Variants in PCDHA9 observed in about 807,000 individuals in gnomAD.
The protein encoded by PCDHA9 is protocadherin alpha 9.
A neutral mutation model predicts 62.0 loss-of-function variants in PCDHA9; 62 were observed. The ratio of observed to expected loss-of-function variants is 1.00; its 90% CI spans 0.81 to 1.23. The LOEUF is 1.23. Ranked by LOEUF, PCDHA9 falls within the 50% of genes most tolerant of loss-of-function variation. PCDHA9 has a pLI of 0.00. For synonymous variants in PCDHA9, 557 were observed against 567.6 expected (o/e 0.98, Z 0.27); for missense variants, 1,205 against 1,249.8 (o/e 0.96, Z 0.54).
intron 1 of PCDHA9, among the ~76,000 whole-genome samples, chr5:140,944,313 G>A (rs2093639720): frequency 6.6e-6 from 1 of 152,066 alleles, no homozygotes; most frequent in Non-Finnish European, 1.5e-5. Context: ...TCAGCCTCCT[G>A]AGTAGCTGGG....
chr5:140,968,285 T>A, intron 1 of PCDHA9: 1 of 1,614,006 alleles, frequency 6.2e-7, no homozygotes, highest in Non-Finnish European at 8.5e-7. Flanking sequence ...GGTGACCTAC[T>A]CCCTTCTGGA....
chr5:140,873,534 T>C (rs1274405604), intron 1 of PCDHA9, among the ~76,000 whole-genome samples: 1 of 152,184 alleles, frequency 6.6e-6, no homozygotes, highest in Non-Finnish European at 1.5e-5. Context: ...CATTCTATGG[T>C]ATAAAATTAT....
At chr5:140,865,692 T>C (rs2048967146) in intron 1 of PCDHA9, 1 of 152,212 alleles carries the variant, frequency 6.6e-6, no homozygotes, top group Non-Finnish European at 1.5e-5. Context: ...ATATGACTGT[T>C]CCAATTTGAA....
rs966554278 is a variant in PCDHA9 at position 140,906,071 on chromosome 5, G to A, written c.2394+55182G>A. On this transcript the variant is annotated intron_variant, in intron 1 of 3. Coordinates refer to ENST00000532602, the MANE Select transcript of PCDHA9 (RefSeq NM_031857.2). ...GGCTGCACTGGCAGCTGATTAGATCGCACCCACCCAGACTGAGAGTAAGTG... is the reference window on the plus strand; with the variant it reads ...GGCTGCACTGGCAGCTGATTAGATCACACCCACCCAGACTGAGAGTAAGTG... 9.2e-5 allele frequency among the ~76,000 whole-genome samples: 14 copies of A among 152,200 alleles called. 1 individual carries two copies. The highest frequency in any genetic ancestry group is 3.9e-4 in the Admixed American group (6 of 15,286).
intron 1 of PCDHA9, chr5:140,969,209 A>G (rs1586360550): frequency 1.2e-6 from 2 of 1,614,194 alleles, no homozygotes; most frequent in Non-Finnish European, 1.7e-6. Context: ...AGGGGCCCAG[A>G]CAGGACCAGG....
rs782733393 is a variant in PCDHA9 at position 140,875,889 on chromosome 5, G to A, written c.2394+25000G>A. The A allele has an allele frequency of 6.2e-6, 10 of 1,614,054 alleles. No homozygotes were observed. The South Asian group carries it at 8.8e-5, about 14-fold the overall frequency. On this transcript the variant is annotated intron_variant, in intron 1 of 3. Coordinates refer to ENST00000532602, the MANE Select transcript of PCDHA9 (RefSeq NM_031857.2). ...CGGTGTTCAGAGAAAGGGAACAAAA[G>A]GTACCTGTTTCTGAATCTGCGCCTC...
chr5:140,877,135 G>C, intron 1 of PCDHA9: 1 of 1,613,790 alleles, frequency 6.2e-7, no homozygotes, highest in Non-Finnish European at 8.5e-7. Flanking sequence ...GCAGGTGTTC[G>C]TGCTGGACGA....
chr5:140,876,194 C>G (rs782432614), intron 1 of PCDHA9: 38 of 1,613,742 alleles, frequency 2.4e-5, no homozygotes, highest in Non-Finnish European at 2.9e-5. Context: ...AATGGTCCGG[C>G]GTTTGATAAG....
intron 1 of PCDHA9, among the ~76,000 whole-genome samples, chr5:140,970,416 G>A (rs536181177): frequency 2.4e-4 from 36 of 152,326 alleles, no homozygotes; most frequent in African/African-American, 8.2e-4. Context: ...CTACAGTAAG[G>A]TGTAGAGGCA....
At chr5:140,927,619 C>T (rs2084429859) in intron 1 of PCDHA9, 3 of 1,614,170 alleles carry the variant, frequency 1.9e-6, no homozygotes, top group Non-Finnish European at 2.5e-6. Flanking sequence ...CACCAAGGTT[C>T]CAGAGACTGC....
chr5:140,887,221 C>G lies in PCDHA9; in HGVS notation c.2394+36332C>G, dbSNP rs149306651. ...ACGCCATTCTCCTGCCTCAGCCTCCCGAGTAGCTGAGACTACCGGCGCCCG... is the reference window on the plus strand; with the variant it reads ...ACGCCATTCTCCTGCCTCAGCCTCCGGAGTAGCTGAGACTACCGGCGCCCG... On this transcript the variant is annotated intron_variant, in intron 1 of 3. Transcript: ENST00000532602. Among the ~76,000 whole-genome samples, 1,413 of 151,972 alleles carry G rather than the reference C, an allele frequency of 9.3e-3. 17 individuals carry two copies. The highest frequency in any genetic ancestry group is 0.033 in the African/African-American group (1,349 of 41,450).
chr5:140,992,841 A>G (rs1351149915), intron 3 of PCDHA9, among the ~76,000 whole-genome samples: 2 of 152,188 alleles, frequency 1.3e-5, no homozygotes, highest in African/African-American at 2.4e-5. Flanking sequence ...AACATTTTGT[A>G]TAACAACCAG....
rs1246162498 is a variant in PCDHA9, at chr5:140,856,839, A to G, written c.2394+5950A>G. ...AACCAAACATTAGTAATACGGCTCA[A>G]CGCTTCTGATTCGGATGAAGGAATA... is the stretch of plus-strand genomic sequence containing the variant. On this transcript the variant is annotated intron_variant, in intron 1 of 3. Coordinates refer to ENST00000532602, the MANE Select transcript of PCDHA9 (RefSeq NM_031857.2). 1.3e-6 allele frequency: 2 copies of G among 1,592,670 alleles called. No homozygotes were observed. The highest frequency in any genetic ancestry group is 1.3e-5 in the African/African-American group (1 of 74,342).
rs185799175 is a variant in PCDHA9, at chr5:140,887,220, C to G, written c.2394+36331C>G. ...CACGCCATTCTCCTGCCTCAGCCTC[C>G]CGAGTAGCTGAGACTACCGGCGCCC... On this transcript the variant is annotated intron_variant, in intron 1 of 3. Coordinates refer to ENST00000532602, the MANE Select transcript of PCDHA9 (RefSeq NM_031857.2). Among the ~76,000 whole-genome samples, 14 of 152,078 alleles carry G rather than the reference C, an allele frequency of 9.2e-5. No individual in the cohort carries two copies. In the East Asian group the frequency reaches 2.7e-3, roughly 30 times the overall value.
At chr5:140,870,097 C>T in intron 1 of PCDHA9, 1 of 1,613,888 alleles carries the variant, frequency 6.2e-7, no homozygotes, top group African/African-American at 1.3e-5. Context: ...AATGGCAGGT[C>T]ACTGTACAGT....
chr5:140,889,400 A>T (rs187751360), intron 1 of PCDHA9, among the ~76,000 whole-genome samples: 1 of 152,050 alleles, frequency 6.6e-6, no homozygotes, highest in Admixed American at 6.5e-5. Context: ...AGTTTAATTT[A>T]CTCGAGTCAG....
At chr5:141,002,532 C>T (rs571310813) in intron 3 of PCDHA9, among the ~76,000 whole-genome samples, 26 of 152,270 alleles carry the variant, frequency 1.7e-4, no homozygotes, top group African/African-American at 6.0e-4. Flanking sequence ...AGTCAGACTC[C>T]CTAGATTTGA....
At chr5:140,879,878 T>C (rs1462304142) in intron 1 of PCDHA9, among the ~76,000 whole-genome samples, 1 of 152,198 alleles carries the variant, frequency 6.6e-6, no homozygotes, top group Non-Finnish European at 1.5e-5. Context: ...ATGGTCACAT[T>C]GCCTCCTCCT....
chr5:140,856,019 C>T (rs2043732184), intron 1 of PCDHA9: 1 of 1,551,820 alleles, frequency 6.4e-7, no homozygotes, highest in East Asian at 2.3e-5. Flanking sequence ...ACCGCTGATT[C>T]GTCGATTTGT....
Sources: allele counts gnomAD v4.1 joint callset (sites outside exome capture counted in the v4.1 genomes callset), GRCh38; gene constraint gnomAD v4.1.1; transcripts MANE v1.5; gene names NCBI Gene and HGNC (gene_info 2026-07-23, HGNC 2026-07-21).